Variants in PRIM2 observed in about 807,000 individuals in gnomAD.
PRIM2 encodes the protein DNA primase large subunit.
In PRIM2, 39 loss-of-function variants were observed where a neutral mutation model predicts 67.3. That is an observed-to-expected ratio of 0.58 (90% CI 0.45 to 0.76). The LOEUF (loss-of-function observed/expected upper bound fraction) is 0.76. PRIM2 is among the 30% of genes least tolerant of loss of function. The pLI is 0.00. For missense variants in PRIM2, 398 were observed against 598.7 expected (o/e 0.66, Z 3.50); for synonymous variants, 143 against 198.7 (o/e 0.72, Z 2.36).
intron 7 of PRIM2, among the ~76,000 whole-genome samples, chr6:57,498,322 C>A (rs1451440238): frequency 6.6e-5 from 10 of 151,642 alleles, no homozygotes; most frequent in African/African-American, 2.4e-4. Flanking sequence ...TTATAAAATG[C>A]AGTAGGAGCC....
At chr6:57,264,743 C>A in the PRIM2 span, among the ~76,000 whole-genome samples, 1 of 151,918 alleles carries the variant, frequency 6.6e-6, no homozygotes, top group African/African-American at 2.4e-5. Context: ...ACTACAGGTG[C>A]GCCCCACCAA....
At chr6:57,385,783 A>G (rs990630702) in intron 7 of PRIM2, among the ~76,000 whole-genome samples, 2 of 152,200 alleles carry the variant, frequency 1.3e-5, no homozygotes, top group African/African-American at 4.8e-5. Context: ...CCTAGATTCA[A>G]GTTAGACATT....
chr6:57,573,695 A>T (rs1249560106), intron 10 of PRIM2, among the ~76,000 whole-genome samples: 1 of 152,234 alleles, frequency 6.6e-6, no homozygotes, highest in Non-Finnish European at 1.5e-5. Context: ...GTATCCAGGT[A>T]AAATGATAAG....
At chr6:57,360,316 A>G (rs375813455) in intron 5 of PRIM2, among the ~76,000 whole-genome samples, 72 of 152,298 alleles carry the variant, frequency 4.7e-4, no homozygotes, top group African/African-American at 1.7e-3. Flanking sequence ...TAATTTTTGT[A>G]TGCCATTTCT....
intron 10 of PRIM2, among the ~76,000 whole-genome samples, chr6:57,582,542 T>A (rs1474553876): frequency 2.8e-4 from 43 of 152,316 alleles, no homozygotes; most frequent in Non-Finnish European, 5.4e-4. Flanking sequence ...AATTAGAAAC[T>A]GGATAAGTAA....
chr6:57,424,709 G>A (rs1771564895), intron 7 of PRIM2, among the ~76,000 whole-genome samples: 1 of 152,298 alleles, frequency 6.6e-6, no homozygotes, highest in Non-Finnish European at 1.5e-5. Context: ...AAAAGACATT[G>A]AGTTGGATAA....
At chr6:57,568,529 T>C (rs1210612774) in intron 10 of PRIM2, among the ~76,000 whole-genome samples, 1 of 152,232 alleles carries the variant, frequency 6.6e-6, no homozygotes, top group Admixed American at 6.5e-5. Context: ...TGCCCCAGCA[T>C]TTCTGTATTT....
Position 57,615,282 on chromosome 6 carries a change from C to G in PRIM2, c.1230+8825C>G, listed in dbSNP as rs1426032320. Among the ~76,000 whole-genome samples the G allele has an allele frequency of 1.4e-3, 210 of 151,888 alleles. 5 individuals are homozygous for G. In the East Asian group the frequency reaches 0.019, roughly 14 times the overall value. On this transcript the variant is annotated intron_variant, in intron 12 of 13. Transcript: ENST00000615550. The stretch of plus-strand genomic sequence containing the variant: ...AAAAATACAAAAATTAGCCAGGCGT[C>G]GAGGCATGCACCTGTAGTGTCAGCT...
chr6:57,303,863 G>T, the PRIM2 span, among the ~76,000 whole-genome samples: 1 of 152,168 alleles, frequency 6.6e-6, no homozygotes, highest in Non-Finnish European at 1.5e-5. Flanking sequence ...TCGAACTCGT[G>T]ACCTCAAGTG....
At chr6:57,575,982 TG>T (rs1775957458) in intron 10 of PRIM2, among the ~76,000 whole-genome samples, 1 of 152,134 alleles carries the variant, frequency 6.6e-6, no homozygotes, top group East Asian at 1.9e-4. Context: ...TTCACCATGT[TG>T]GCTAGGCTGG....
chr6:57,398,515 T>A (rs1770598906), intron 7 of PRIM2, among the ~76,000 whole-genome samples: 1 of 152,170 alleles, frequency 6.6e-6, no homozygotes, highest in Non-Finnish European at 1.5e-5. Context: ...GTGAGTGTGT[T>A]TGTTATGATT....
intron 5 of PRIM2, among the ~76,000 whole-genome samples, chr6:57,377,431 G>A (rs2224389): frequency 6.6e-6 from 1 of 151,006 alleles, no homozygotes; most frequent in Non-Finnish European, 1.5e-5. Flanking sequence ...CGAAAGTTAT[G>A]TGTGGACTAT....
At chr6:57,416,773 C>A (rs529291119) in intron 7 of PRIM2, among the ~76,000 whole-genome samples, 1 of 152,244 alleles carries the variant, frequency 6.6e-6, no homozygotes, top group African/African-American at 2.4e-5. Context: ...CTCCTTAAAC[C>A]TCATGGACCC....
At chr6:57,614,565 C>T (rs1462533796) in intron 12 of PRIM2, among the ~76,000 whole-genome samples, 1 of 152,030 alleles carries the variant, frequency 6.6e-6, no homozygotes, top group African/African-American at 2.4e-5. Context: ...TATTGGTGTA[C>T]GTTGGCTGGG....
chr6:57,238,320 A>T, the PRIM2 span, among the ~76,000 whole-genome samples: 1 of 152,062 alleles, frequency 6.6e-6, no homozygotes, highest in African/African-American at 2.4e-5. Context: ...GAAGTAAAGC[A>T]CTCCTCAGCA....
At chr6:57,641,262 G>A (rs1298661781) in intron 13 of PRIM2, among the ~76,000 whole-genome samples, 3 of 152,070 alleles carry the variant, frequency 2.0e-5, no homozygotes, top group African/African-American at 7.2e-5. Context: ...AGACTTAAAC[G>A]TAAGACCTAA....
At chr6:57,558,877 C>G (rs1383753537) in intron 10 of PRIM2, among the ~76,000 whole-genome samples, 1 of 152,026 alleles carries the variant, frequency 6.6e-6, no homozygotes, top group Non-Finnish European at 1.5e-5. Flanking sequence ...CCTATAATCT[C>G]AGTGCTGTGG....
intron 5 of PRIM2, among the ~76,000 whole-genome samples, chr6:57,335,915 T>A (rs1750413839): frequency 6.6e-6 from 1 of 152,204 alleles, no homozygotes; most frequent in Non-Finnish European, 1.5e-5. Context: ...TACTCCGAGC[T>A]ACGGGAGGAC....
intron 5 of PRIM2, among the ~76,000 whole-genome samples, chr6:57,352,307 C>G (rs1293053631): frequency 6.6e-6 from 1 of 151,934 alleles, no homozygotes; most frequent in Non-Finnish European, 1.5e-5. Context: ...ATGGCGTGAT[C>G]TCGGCTCACG....
Sources: allele counts gnomAD v4.1 joint callset (sites outside exome capture counted in the v4.1 genomes callset), GRCh38; gene constraint gnomAD v4.1.1; transcripts MANE v1.5; gene names NCBI Gene and HGNC (gene_info 2026-07-23, HGNC 2026-07-21).